HSD17B13: variants seen among roughly 807,000 people sequenced by gnomAD.
The protein encoded by HSD17B13 is 17-beta-hydroxysteroid dehydrogenase 13.
A neutral mutation model predicts 31.1 loss-of-function variants in HSD17B13; 26 were observed. The ratio of observed to expected loss-of-function variants is 0.84; its 90% CI spans 0.61 to 1.16. HSD17B13 has a LOEUF of 1.16. HSD17B13 is among the 50% of genes most tolerant of loss of function. The pLI is 0.00. For missense variants in HSD17B13, 374 were observed against 366.5 expected (o/e 1.02, Z -0.17); for synonymous variants, 141 against 133.7 (o/e 1.05, Z -0.38).
intron 4 of HSD17B13, 29 bp downstream of exon 4, chr4:87,315,464 A>G: frequency 7.5e-7 from 1 of 1,333,008 alleles, no homozygotes; most frequent in Non-Finnish European, 1.1e-6. Context: ...GTATAAAAAT[A>G]TATAACATGG....
chr4:87,322,056 C>T lies in HSD17B13; in HGVS notation c.210+576G>A, dbSNP rs1406764953. Among the ~76,000 whole-genome samples the T allele has an allele frequency of 9.2e-5, 14 of 152,294 alleles. No homozygotes were observed. In the South Asian group the frequency reaches 1.4e-3, roughly 16 times the overall value. On this transcript the variant is annotated intron_variant, in intron 1 of 6. Coordinates refer to ENST00000328546, the MANE Select transcript of HSD17B13 (RefSeq NM_178135.5). Reference sequence around the variant, plus strand: ...GTCCAAGGAAAAGCCTGACTCACTGCGCACATATTTTATTTAACACAGTTA... The same window carrying T: ...GTCCAAGGAAAAGCCTGACTCACTGTGCACATATTTTATTTAACACAGTTA...
At chr4:87,320,679 G>A (rs991666875) in intron 1 of HSD17B13, among the ~76,000 whole-genome samples, 1 of 151,908 alleles carries the variant, frequency 6.6e-6, no homozygotes, top group Admixed American at 6.6e-5. Context: ...GAGCCACCGC[G>A]TCCGGCCTAT....
At chr4:87,318,246 G>T in intron 2 of HSD17B13, 83 bp downstream of exon 2, 1 of 1,011,116 alleles carries the variant, frequency 9.9e-7, no homozygotes. Context: ...AAATCAGGCA[G>T]TCATAAAGAC....
chr4:87,314,839 T>C (rs559208883), intron 4 of HSD17B13, among the ~76,000 whole-genome samples: 1 of 152,360 alleles, frequency 6.6e-6, no homozygotes. Flanking sequence ...AATGGAAACA[T>C]GCTTGGCATT....
In HSD17B13 at chr4:87,317,115, C is replaced by A. The variant is rs1734666716; in HGVS notation, c.427G>T (p.Val143Phe). 6 of 1,614,076 alleles carry A rather than the reference C, an allele frequency of 3.7e-6. No individual in the cohort carries two copies. Among genetic ancestry groups the A allele is most frequent in the Non-Finnish European group, 5.1e-6 (6 of 1,179,970 alleles). ...ACCCAAAAATGTCCTAGGATGTTGA[C>A]CTCAAATGTCTTGGTAATCTCTTCA... ...KDEEITKTFE[V>F]NILGHFWITK... The change falls in exon 3 of 7, where the codon GTC (valine) becomes TTC (phenylalanine). Residue 143 changes from valine to phenylalanine, a missense_variant. Physicochemically the swap from Val to Phe is conservative, Grantham distance 50. Coordinates refer to ENST00000328546, the MANE Select transcript of HSD17B13 (RefSeq NM_178135.5).
chr4:87,321,155 G>C (rs188195614), intron 1 of HSD17B13, among the ~76,000 whole-genome samples: 188 of 152,094 alleles, frequency 1.2e-3, no homozygotes, highest in African/African-American at 4.3e-3. Flanking sequence ...TCAGCCTCCC[G>C]AGTAGCTGGG....
In HSD17B13 at chr4:87,310,370, A is replaced by C; in HGVS notation, c.696-11T>G. ...AATACAGGCCATAATCTGTGATTAA[A>C]AAGAGGAAAATATTATTTTTATTTT... On this transcript the variant is annotated splice_polypyrimidine_tract_variant and intron_variant, in intron 5 of 6. Coordinates refer to ENST00000328546, the MANE Select transcript of HSD17B13 (RefSeq NM_178135.5). The C allele has an allele frequency of 4.2e-6, 6 of 1,418,894 alleles. No homozygotes were observed. The highest frequency in any genetic ancestry group is 5.5e-6 in the Non-Finnish European group (6 of 1,082,516). The allele number at this position is 1,418,894 out of a possible 1,614,324, so 87.9% of individuals were successfully genotyped here. A position where few individuals can be genotyped will look rare whatever the true frequency, so the allele number is the denominator to read the frequency against.
At chr4:87,318,517 C>T in intron 1 of HSD17B13, 81 bp from the exon 2 acceptor site, 2 of 1,140,018 alleles carry the variant, frequency 1.8e-6, no homozygotes, top group South Asian at 1.3e-5. Flanking sequence ...AATTAACATT[C>T]GGCTAGGCGC....
intron 5 of HSD17B13, among the ~76,000 whole-genome samples, chr4:87,312,518 C>CTTTTTTTTTT (rs747820120): frequency 2.8e-5 from 2 of 71,594 alleles, no homozygotes; most frequent in African/African-American, 6.0e-5. Context: ...ACCTTTAATT[C>CTTTTTTTTTT]TTTTTTTTTT....
Position 87,310,865 on chromosome 4 carries a change from G to A in HSD17B13, c.696-506C>T, listed in dbSNP as rs200825179. ...TTGAATAGGGTCTGGGTAAAATAAG[G>A]CTGACACCTACTGGGCTGCATTCCC... On this transcript the variant is annotated intron_variant, in intron 5 of 6. Coordinates refer to ENST00000328546, the MANE Select transcript of HSD17B13 (RefSeq NM_178135.5). Among the ~76,000 whole-genome samples, 3 of 152,242 alleles carry A rather than the reference G, an allele frequency of 2.0e-5. No homozygotes were observed. The East Asian group carries it at 5.8e-4, about 29-fold the overall frequency.
intron 6 of HSD17B13, among the ~76,000 whole-genome samples, chr4:87,309,014 A>C (rs1192010998): frequency 6.6e-6 from 1 of 151,882 alleles, no homozygotes; most frequent in East Asian, 1.9e-4. Context: ...CAAATTACAA[A>C]AATCCAATAT....
At chr4:87,316,409 A>T (rs1734649977) in intron 3 of HSD17B13, among the ~76,000 whole-genome samples, 1 of 152,166 alleles carries the variant, frequency 6.6e-6, no homozygotes, top group African/African-American at 2.4e-5. Context: ...TGGTAAAGGT[A>T]AGGGGGACAC....
intron 4 of HSD17B13, 104 bp from the exon 5 acceptor site, chr4:87,314,064 A>G (rs1734594195): frequency 1.2e-6 from 1 of 810,782 alleles, no homozygotes; most frequent in Non-Finnish European, 1.8e-6. Flanking sequence ...AGTGGAAGCC[A>G]AAAATCAGCC....
At chr4:87,305,543 A>C (rs1288380201) in intron 6 of HSD17B13, among the ~76,000 whole-genome samples, 1 of 151,950 alleles carries the variant, frequency 6.6e-6, no homozygotes, top group African/African-American at 2.4e-5. Flanking sequence ...AAAACATTCA[A>C]ATTCATAAAA....
intron 1 of HSD17B13, among the ~76,000 whole-genome samples, chr4:87,322,298 G>A (rs956247683): frequency 1.3e-5 from 2 of 152,256 alleles, no homozygotes; most frequent in Admixed American, 6.5e-5. Context: ...TTCAGATCCC[G>A]TTCTTGCCCA....
chr4:87,319,824 C>A (rs1348196866), intron 1 of HSD17B13, among the ~76,000 whole-genome samples: 1 of 152,254 alleles, frequency 6.6e-6, no homozygotes, highest in Non-Finnish European at 1.5e-5. Context: ...AGCCTAAATT[C>A]AAAGACCTCT....
chr4:87,317,012 A>C, intron 3 of HSD17B13, 80 bp downstream of exon 3: 2 of 1,419,822 alleles, frequency 1.4e-6, no homozygotes, highest in African/African-American at 2.8e-5. Context: ...TCCTGTCCAG[A>C]AGTATGTGAA....
intron 4 of HSD17B13, among the ~76,000 whole-genome samples, chr4:87,314,641 T>TCTTTCACACACACACA (rs373166006): frequency 7.0e-6 from 1 of 142,140 alleles, no homozygotes; most frequent in African/African-American, 2.5e-5. Flanking sequence ...TCTCTCTCTC[T>TCTTTCACACACACACA]CACACACACA....
chr4:87,317,098 A>C lies in HSD17B13; in HGVS notation c.444T>G (p.His148Gln). Residue 148 changes from histidine to glutamine, a missense_variant, in exon 3 of 7, where the codon CAT (histidine) becomes CAG (glutamine). Transcript: ENST00000328546. The stretch of plus-strand genomic sequence containing the variant: ...GTTTCTGACTCACACTCACCCAAAA[A>C]TGTCCTAGGATGTTGACCTCAAATG... Reference protein sequence around the residue: ...TKTFEVNILGHFWITKALLPS... With the variant: ...TKTFEVNILGQFWITKALLPS... 1 of 1,613,870 alleles carries C rather than the reference A, an allele frequency of 6.2e-7. No homozygotes were observed. Among genetic ancestry groups the C allele is most frequent in the African/African-American group, 1.3e-5 (1 of 75,030 alleles).
Sources: allele counts gnomAD v4.1 joint callset (sites outside exome capture counted in the v4.1 genomes callset), GRCh38; gene constraint gnomAD v4.1.1; transcripts MANE v1.5; gene names NCBI Gene and HGNC (gene_info 2026-07-23, HGNC 2026-07-21).